The following DDX19B variants were observed in gnomAD, a reference collection of about 807,000 sequenced individuals.
DDX19B encodes the protein ATP-dependent RNA helicase DDX19B.
A neutral mutation model predicts 58.1 loss-of-function variants in DDX19B; 27 were observed. The observed-to-expected ratio is 0.46, with a 90% CI of 0.34 to 0.64. DDX19B has a LOEUF of 0.64. Ranked by LOEUF, DDX19B falls within the 30% of genes least tolerant of loss-of-function variation. The pLI is 0.01. For synonymous variants in DDX19B, 187 were observed against 214.4 expected (o/e 0.87, Z 1.12); for missense variants, 399 against 596.5 (o/e 0.67, Z 3.45).
chr16:70,295,550 A>C (rs775513590), upstream of DDX19B, among the ~76,000 whole-genome samples: 2 of 151,970 alleles, frequency 1.3e-5, no homozygotes, highest in Non-Finnish European at 2.9e-5. Flanking sequence ...CGTGTACGGG[A>C]AGGATAAACA....
chr16:70,328,874 T>C (rs80009527), intron 7 of DDX19B, among the ~76,000 whole-genome samples: 1,921 of 151,990 alleles, frequency 0.013, 43 homozygotes, highest in African/African-American at 0.044. Context: ...CATTAAAATA[T>C]ATAATAGGTT....
Position 70,328,633 on chromosome 16 carries a change from G to A in DDX19B, c.608-659G>A, listed in dbSNP as rs1350967287. On this transcript the variant is annotated intron_variant, in intron 7 of 11. Transcript: ENST00000288071. Reference sequence around the variant, plus strand: ...CTGCCTCAGCCTTCCAAAATGCTGGGATTACAGGCATGAGCCACCGTGCCC... The same window carrying A: ...CTGCCTCAGCCTTCCAAAATGCTGGAATTACAGGCATGAGCCACCGTGCCC... Among the ~76,000 whole-genome samples, 6 of 151,844 alleles carry A rather than the reference G, an allele frequency of 4.0e-5. No homozygotes were observed. The South Asian group carries it at 1.0e-3, about 26-fold the overall frequency.
upstream of DDX19B, among the ~76,000 whole-genome samples, chr16:70,294,522 G>T (rs963136818): frequency 2.0e-5 from 3 of 152,192 alleles, no homozygotes; most frequent in African/African-American, 7.2e-5. Flanking sequence ...TTGACCCACG[G>T]GGGGAGATGC....
upstream of DDX19B, among the ~76,000 whole-genome samples, chr16:70,294,242 C>T (rs1292533528): frequency 6.6e-6 from 1 of 151,830 alleles, no homozygotes; most frequent in African/African-American, 2.4e-5. Context: ...CTACCACGCC[C>T]AGCTAATTTT....
At chr16:70,295,101 A>G, upstream of DDX19B, 1 of 1,262,624 alleles carries the variant, frequency 7.9e-7, no homozygotes, top group Non-Finnish European at 1.0e-6. Flanking sequence ...GGAAACTGAG[A>G]CTGGCTAGGC....
chr16:70,297,361 C>T (rs926657872), upstream of DDX19B, among the ~76,000 whole-genome samples: 2 of 151,998 alleles, frequency 1.3e-5, no homozygotes, highest in Non-Finnish European at 2.9e-5. Flanking sequence ...TACAGGTGTG[C>T]ACCACCATGC....
At chr16:70,330,560 C>T (rs1442890892) in intron 9 of DDX19B, among the ~76,000 whole-genome samples, 1 of 151,996 alleles carries the variant, frequency 6.6e-6, no homozygotes, top group Non-Finnish European at 1.5e-5. Context: ...TGCACTCCAG[C>T]CTGGGTAACA....
At chr16:70,295,756 T>C (rs778071453), upstream of DDX19B, among the ~76,000 whole-genome samples, 3 of 152,104 alleles carry the variant, frequency 2.0e-5, no homozygotes, top group Non-Finnish European at 4.4e-5. Flanking sequence ...TCCCAGCTAC[T>C]TGGGAAGCAG....
intron 2 of DDX19B, 192 bp from the exon 3 acceptor site, chr16:70,314,710 A>G (rs1962278550): frequency 8.1e-6 from 4 of 494,528 alleles, no homozygotes; most frequent in Non-Finnish European, 7.8e-6. Context: ...ATATATATAT[A>G]TGTGAGCAAC....
Position 70,333,707 on chromosome 16 carries a change from T to G in DDX19B, c.*125T>G. On this transcript the variant is annotated 3_prime_UTR_variant, in exon 12 of 12. Coordinates refer to ENST00000288071, the MANE Select transcript of DDX19B (RefSeq NM_007242.7). ...CACAAGTAGAGAGAAACTACCTACC[T>G]CACTTCAAATTATGTTTGGACTTGA... 4 of 1,418,032 alleles carry G rather than the reference T, an allele frequency of 2.8e-6. No homozygotes were observed. Among genetic ancestry groups the G allele is most frequent in the Non-Finnish European group, 3.9e-6 (4 of 1,020,164 alleles). The allele number at this position is 1,418,032 out of a possible 1,614,324, so 87.8% of individuals were successfully genotyped here. A position where few individuals can be genotyped will look rare whatever the true frequency, so the allele number is the denominator to read the frequency against.
chr16:70,309,323 G>A (rs796930765), intron 1 of DDX19B, among the ~76,000 whole-genome samples: 31 of 151,692 alleles, frequency 2.0e-4, no homozygotes, highest in Admixed American at 5.9e-4. Context: ...GTGAAACCCC[G>A]TCTCTACTAA....
chr16:70,292,872 G>A (rs1285150312), upstream of DDX19B, among the ~76,000 whole-genome samples: 2 of 152,004 alleles, frequency 1.3e-5, no homozygotes, highest in African/African-American at 2.4e-5. Context: ...TTGGGAGGCC[G>A]AGGCGGGCAG....
chr16:70,332,285 T>C (rs1963524407), intron 10 of DDX19B, among the ~76,000 whole-genome samples: 1 of 152,132 alleles, frequency 6.6e-6, no homozygotes, highest in Non-Finnish European at 1.5e-5. Context: ...ATTCCCAGAG[T>C]TGGCCTGTCC....
upstream of DDX19B, among the ~76,000 whole-genome samples, chr16:70,295,772 G>C (rs1961194257): frequency 6.6e-6 from 1 of 152,058 alleles, no homozygotes; most frequent in South Asian, 2.1e-4. Flanking sequence ...AGCAGAGGCA[G>C]GTGAACCTCT....
In DDX19B at chr16:70,321,349, C is replaced by T. The variant is rs560959119; in HGVS notation, c.390-3236C>T. On this transcript the variant is annotated intron_variant, in intron 5 of 11. Coordinates refer to ENST00000288071, the MANE Select transcript of DDX19B (RefSeq NM_007242.7). ...TGCCCAGACTTGTCTTGAACTCCTACGCTCAAGCACGCTTCCCACCTTGCC... is the reference window on the plus strand; with the variant it reads ...TGCCCAGACTTGTCTTGAACTCCTATGCTCAAGCACGCTTCCCACCTTGCC... Among the ~76,000 whole-genome samples, 31 of 152,182 alleles carry T rather than the reference C, an allele frequency of 2.0e-4. No homozygotes were observed. In the South Asian group the frequency reaches 4.8e-3, roughly 23 times the overall value.
At chr16:70,300,227 A>T (rs1471669746) in intron 1 of DDX19B, among the ~76,000 whole-genome samples, 5 of 150,306 alleles carry the variant, frequency 3.3e-5, no homozygotes, top group Admixed American at 2.0e-4. Flanking sequence ...TTTTTTGGAG[A>T]CAGGGTCACA....
At chr16:70,299,815 T>G (rs1214705031) in intron 1 of DDX19B, among the ~76,000 whole-genome samples, 2 of 152,152 alleles carry the variant, frequency 1.3e-5, no homozygotes, top group Non-Finnish European at 2.9e-5. Context: ...ACCTCTACAT[T>G]CAGAGCTTCT....
chr16:70,318,187 A>C (rs1174110581), intron 5 of DDX19B, among the ~76,000 whole-genome samples: 1 of 151,918 alleles, frequency 6.6e-6, no homozygotes, highest in Non-Finnish European at 1.5e-5. Context: ...AGCCTGGCCA[A>C]CATGATGAAA....
At chr16:70,293,018 T>C (rs553352342), upstream of DDX19B, among the ~76,000 whole-genome samples, 34 of 151,736 alleles carry the variant, frequency 2.2e-4, no homozygotes, top group Non-Finnish European at 4.1e-4. Context: ...AGGCAGAGGC[T>C]GCAGTGACTC....
Sources: gnomAD v4.1 joint callset for allele counts (sites outside exome capture counted in the v4.1 genomes callset) on GRCh38, gnomAD v4.1.1 for gene constraint, MANE v1.5 for transcripts, NCBI Gene and HGNC (gene_info 2026-07-23, HGNC 2026-07-21) for gene names.